Variants in ALDH1A2 observed in about 807,000 individuals in gnomAD.
ALDH1A2 encodes the protein aldehyde dehydrogenase 1 family member A2.
Under a neutral mutation model 60.3 loss-of-function variants are expected in ALDH1A2, and 27 were observed. The observed-to-expected ratio is 0.45, with a 90% CI of 0.33 to 0.62. The LOEUF (loss-of-function observed/expected upper bound fraction) is 0.62, where lower values mean the gene tolerates loss of function less well. ALDH1A2 is among the 20% of genes least tolerant of loss of function. The pLI is 0.02. For synonymous variants in ALDH1A2, 289 were observed against 232.4 expected (o/e 1.24, Z -2.21); for missense variants, 581 against 643.8 (o/e 0.90, Z 1.06).
chr15:57,996,457 T>A (rs975392005), intron 4 of ALDH1A2, among the ~76,000 whole-genome samples: 9 of 151,848 alleles, frequency 5.9e-5, no homozygotes, highest in South Asian at 4.2e-4. Context: ...TCTTTTTTTT[T>A]ATACAAACGG....
chr15:58,025,164 G>A (rs1423364608), intron 1 of ALDH1A2, among the ~76,000 whole-genome samples: 2 of 151,966 alleles, frequency 1.3e-5, no homozygotes. Flanking sequence ...CAAATTAGCA[G>A]AAGAAAATAA....
chr15:58,049,756 T>G (rs2067062), intron 1 of ALDH1A2, among the ~76,000 whole-genome samples: 81,080 of 151,938 alleles, frequency 0.53, 23,195 homozygotes, highest in African/African-American at 0.75. Context: ...ACCTGGCCTG[T>G]AGAGGGTCTG....
At chr15:57,986,621 C>G (rs1315358040) in intron 7 of ALDH1A2, among the ~76,000 whole-genome samples, 1 of 140,970 alleles carries the variant, frequency 7.1e-6, no homozygotes, top group Non-Finnish European at 1.5e-5. Flanking sequence ...AAACTCCAGT[C>G]AAATTCAGAG....
chr15:58,060,131 G>C (rs182697994), intron 1 of ALDH1A2, among the ~76,000 whole-genome samples: 48 of 152,212 alleles, frequency 3.2e-4, no homozygotes, highest in African/African-American at 1.1e-3. Context: ...TGATTGGCCA[G>C]GTTGGTGTCA....
intron 7 of ALDH1A2, among the ~76,000 whole-genome samples, chr15:57,978,129 C>G (rs1566935445): frequency 6.6e-6 from 1 of 152,184 alleles, no homozygotes. Flanking sequence ...ACAATCATGT[C>G]ATCTGCAAAC....
In ALDH1A2 at chr15:57,992,577, T is replaced by C. The variant is rs1440587383; in HGVS notation, c.798+128A>G. On this transcript the variant is annotated intron_variant, in intron 7 of 12. Transcript: ENST00000249750. Reference sequence around the variant, plus strand: ...CCAGTGTTCTATGACACCAATGTTATCCTTTGTGGGCTTGGGTACTCACTG... The same window carrying C: ...CCAGTGTTCTATGACACCAATGTTACCCTTTGTGGGCTTGGGTACTCACTG... 3 of 844,582 alleles carry C rather than the reference T, an allele frequency of 3.6e-6. No individual in the cohort carries two copies. The Admixed American group carries it at 5.9e-5, about 17-fold the overall frequency. 52.3% of individuals were successfully genotyped at this position (844,582 alleles called of 1,614,324 possible).
intron 4 of ALDH1A2, among the ~76,000 whole-genome samples, chr15:58,009,696 AT>A (rs1205516008): frequency 6.6e-6 from 1 of 151,696 alleles, no homozygotes; most frequent in African/African-American, 2.4e-5. Flanking sequence ...CCTAGGATCT[AT>A]TTTGAATTCT....
chr15:58,053,860 G>A lies in ALDH1A2; in HGVS notation c.117+11674C>T, dbSNP rs16939728. Among the ~76,000 whole-genome samples, 1,395 of 152,284 alleles carry A rather than the reference G, an allele frequency of 9.2e-3. 20 individuals are homozygous for A. The highest frequency in any genetic ancestry group is 0.032 in the African/African-American group (1,340 of 41,562). On this transcript the variant is annotated intron_variant, in intron 1 of 12. Coordinates refer to ENST00000249750, the MANE Select transcript of ALDH1A2 (RefSeq NM_003888.4). ...CAGTACAAATACCTATCAGCATGGA[G>A]AAACATGGAAGAGCAATTACAGCCA...
At chr15:57,964,874 T>C (rs1893842775) in intron 8 of ALDH1A2, 3 of 152,286 alleles carry the variant, frequency 2.0e-5, no homozygotes, top group Admixed American at 2.0e-4. Flanking sequence ...ATTCTGATTT[T>C]CTTGACAACT....
At chr15:58,060,701 A>T (rs1158424550) in intron 1 of ALDH1A2, among the ~76,000 whole-genome samples, 6 of 152,204 alleles carry the variant, frequency 3.9e-5, no homozygotes, top group African/African-American at 1.4e-4. Flanking sequence ...TTATAGTCAG[A>T]AAGCTGCCGC....
chr15:58,051,690 A>C (rs1041518771), intron 1 of ALDH1A2, among the ~76,000 whole-genome samples: 5 of 152,154 alleles, frequency 3.3e-5, no homozygotes, highest in Non-Finnish European at 5.9e-5. Flanking sequence ...TGGCATGATA[A>C]ATCACTGGCA....
At chr15:57,977,511 C>G (rs547889586) in intron 7 of ALDH1A2, among the ~76,000 whole-genome samples, 2 of 152,260 alleles carry the variant, frequency 1.3e-5, no homozygotes, top group South Asian at 4.1e-4. Context: ...TGTCAAAGAT[C>G]AGATGGTTGT....
At chr15:58,027,663 T>C (rs1267013043) in intron 1 of ALDH1A2, among the ~76,000 whole-genome samples, 1 of 152,094 alleles carries the variant, frequency 6.6e-6, no homozygotes, top group African/African-American at 2.4e-5. Context: ...AAAGGTTAGA[T>C]GAATGGCTAA....
rs552669635 is a variant in ALDH1A2, at chr15:57,962,454, A to C, written c.1087-278T>G. On this transcript the variant is annotated intron_variant, in intron 9 of 12. Transcript: ENST00000249750. ...TGAACATTTAGAAAAATGTTTCAAA[A>C]TGATGGAGACACTGGCTAATTTACT... 2.0e-5 allele frequency among the ~76,000 whole-genome samples: 3 copies of C among 152,328 alleles called. No homozygotes were observed. The South Asian group carries it at 6.2e-4, about 32-fold the overall frequency.
At chr15:57,958,214 G>GCACGCACACACACACACACA (rs1555398333) in intron 12 of ALDH1A2, among the ~76,000 whole-genome samples, 7 of 151,700 alleles carry the variant, frequency 4.6e-5, no homozygotes, top group Admixed American at 1.3e-4. Context: ...GTACACGCAC[G>GCACGCACACACACACACACA]CACACACACA....
intron 7 of ALDH1A2, among the ~76,000 whole-genome samples, chr15:57,972,742 G>A (rs1170413826): frequency 6.6e-6 from 1 of 152,114 alleles, no homozygotes. Context: ...TTTTCCACAT[G>A]AAACTGGTTT....
chr15:58,008,703 T>C (rs1233072340), intron 4 of ALDH1A2, among the ~76,000 whole-genome samples: 1 of 152,090 alleles, frequency 6.6e-6, no homozygotes, highest in African/African-American at 2.4e-5. Context: ...AAATGACAGG[T>C]GGAGTGGGGA....
chr15:58,004,428 A>G (rs994101462), intron 4 of ALDH1A2, among the ~76,000 whole-genome samples: 23 of 151,900 alleles, frequency 1.5e-4, no homozygotes, highest in African/African-American at 5.5e-4. Context: ...TCACCAGAAT[A>G]GTCAACGTGG....
intron 1 of ALDH1A2, among the ~76,000 whole-genome samples, chr15:58,024,635 G>C (rs1299925534): frequency 2.0e-5 from 3 of 152,118 alleles, no homozygotes; most frequent in Non-Finnish European, 4.4e-5. Flanking sequence ...CTCACTGTCA[G>C]CACTAGACAG....
Sources: allele counts gnomAD v4.1 joint callset (sites outside exome capture counted in the v4.1 genomes callset), GRCh38; gene constraint gnomAD v4.1.1; transcripts MANE v1.5; gene names NCBI Gene and HGNC (gene_info 2026-07-23, HGNC 2026-07-21).